Variants in DIRAS2 observed in about 807,000 individuals in gnomAD.
DIRAS2 encodes the protein GTP-binding protein Di-Ras2.
DIRAS2 carries 5 observed loss-of-function variants against 13.9 expected under a neutral mutation model. That is an observed-to-expected ratio of 0.36 (90% CI 0.19 to 0.76). The LOEUF is 0.76. Ranked by LOEUF, DIRAS2 falls within the 30% of genes least tolerant of loss-of-function variation. DIRAS2 has a pLI of 0.53. For synonymous variants in DIRAS2, 111 were observed against 105.4 expected (o/e 1.05, Z -0.33); for missense variants, 191 against 263.0 (o/e 0.73, Z 1.89).
chr9:90,610,633 A>C lies in DIRAS2; in HGVS notation c.*2595T>G. On this transcript the variant is annotated 3_prime_UTR_variant, in exon 2 of 2. Transcript: ENST00000375765. ...AATGGAAACGTACAAATGCTTTAAAAAAATCTAATTCTGTGATACTAACTC... is the reference window on the plus strand; with the variant it reads ...AATGGAAACGTACAAATGCTTTAAACAAATCTAATTCTGTGATACTAACTC... The C allele has an allele frequency of 2.6e-6, 1 of 387,282 alleles. No homozygotes were observed. The highest frequency in any genetic ancestry group is 1.4e-4 in the South Asian group (1 of 6,946). 24.0% of individuals were successfully genotyped at this position (387,282 alleles called of 1,614,324 possible).
At chr9:90,630,528 A>C (rs960058398) in intron 1 of DIRAS2, among the ~76,000 whole-genome samples, 1 of 152,242 alleles carries the variant, frequency 6.6e-6, no homozygotes, top group Non-Finnish European at 1.5e-5. Flanking sequence ...TATAAAAATC[A>C]GACTTTTAAA....
rs994227125 is a variant in DIRAS2 at position 90,638,924 on chromosome 9, C to T, written c.-37+3828G>A. Among the ~76,000 whole-genome samples, 7 of 152,242 alleles carry T rather than the reference C, an allele frequency of 4.6e-5. No individual in the cohort carries two copies. The East Asian group carries it at 9.7e-4, about 21-fold the overall frequency. On this transcript the variant is annotated intron_variant, in intron 1 of 1. Coordinates refer to ENST00000375765, the MANE Select transcript of DIRAS2 (RefSeq NM_017594.5). ...TGTAAGGATGACAGAGGAAGGAAAT[C>T]TTCCTCCTTCAAAGGCTCCTTTGTC...
chr9:90,632,778 G>A (rs1436802054), intron 1 of DIRAS2, among the ~76,000 whole-genome samples: 1 of 152,200 alleles, frequency 6.6e-6, no homozygotes, highest in South Asian at 2.1e-4. Flanking sequence ...TAAGCGACTT[G>A]CCTTAGGCCA....
intron 1 of DIRAS2, among the ~76,000 whole-genome samples, chr9:90,641,090 AT>A (rs1194595492): frequency 2.0e-5 from 3 of 152,176 alleles, no homozygotes; most frequent in Non-Finnish European, 4.4e-5. Flanking sequence ...TACGAACAAC[AT>A]ACAATAAATA....
At chr9:90,634,411 C>A (rs867329476) in intron 1 of DIRAS2, among the ~76,000 whole-genome samples, 38 of 152,296 alleles carry the variant, frequency 2.5e-4, no homozygotes, top group African/African-American at 8.9e-4. Flanking sequence ...GAATAATTAC[C>A]AATGTGTCTA....
At chr9:90,616,010 T>A (rs1479972261) in intron 1 of DIRAS2, among the ~76,000 whole-genome samples, 1 of 152,246 alleles carries the variant, frequency 6.6e-6, no homozygotes, top group African/African-American at 2.4e-5. Context: ...TTTTGCCTTG[T>A]ATTATGGTTA....
At chr9:90,639,057 A>G (rs1183727287) in intron 1 of DIRAS2, among the ~76,000 whole-genome samples, 2 of 152,134 alleles carry the variant, frequency 1.3e-5, no homozygotes, top group African/African-American at 4.8e-5. Flanking sequence ...TCAGAAAAAT[A>G]ATCACTTTGC....
chr9:90,630,714 T>C (rs1338287320), intron 1 of DIRAS2, among the ~76,000 whole-genome samples: 2 of 152,262 alleles, frequency 1.3e-5, no homozygotes, highest in African/African-American at 4.8e-5. Context: ...TTTAAGTTTA[T>C]TGATGTTTTC....
rs1825108328 is a variant in DIRAS2 at position 90,611,078 on chromosome 9, C to T, written c.*2150G>A. The T allele has an allele frequency of 6.6e-6, 1 of 152,192 alleles. No homozygotes were observed. The highest frequency in any genetic ancestry group is 2.1e-4 in the South Asian group (1 of 4,830). 9.4% of individuals were successfully genotyped at this position (152,192 alleles called of 1,614,324 possible). A position where few individuals can be genotyped will look rare whatever the true frequency, so the allele number is the denominator to read the frequency against. On this transcript the variant is annotated 3_prime_UTR_variant, in exon 2 of 2. Coordinates refer to ENST00000375765, the MANE Select transcript of DIRAS2 (RefSeq NM_017594.5). The stretch of plus-strand genomic sequence containing the variant: ...ATAGGTCTACTTTGGCCATGAAGTT[C>T]TGTTTCTTCTTCCATTTAACCTATA...
At chr9:90,630,877 A>G (rs985956313) in intron 1 of DIRAS2, among the ~76,000 whole-genome samples, 2 of 152,218 alleles carry the variant, frequency 1.3e-5, no homozygotes, top group African/African-American at 4.8e-5. Flanking sequence ...TTGGAAAGGG[A>G]CATATAAAAA....
chr9:90,622,251 C>CAAAT (rs1243687948), intron 1 of DIRAS2, among the ~76,000 whole-genome samples: 1 of 150,372 alleles, frequency 6.7e-6, no homozygotes, highest in South Asian at 2.1e-4. Context: ...GACCCTGTCT[C>CAAAT]AAATAAATAA....
At chr9:90,622,461 G>GTT (rs35016699) in intron 1 of DIRAS2, among the ~76,000 whole-genome samples, 30 of 144,114 alleles carry the variant, frequency 2.1e-4, no homozygotes, top group Middle Eastern at 3.6e-3. Context: ...TTTTTCCGGA[G>GTT]TTTTTTTTTT....
At chr9:90,621,252 G>C (rs1219446247) in intron 1 of DIRAS2, among the ~76,000 whole-genome samples, 1 of 152,118 alleles carries the variant, frequency 6.6e-6, no homozygotes, top group African/African-American at 2.4e-5. Flanking sequence ...TTAAGGAAAG[G>C]AGAAAGAATG....
chr9:90,610,506 C>A lies in DIRAS2; in HGVS notation c.*2722G>T. The A allele has an allele frequency of 2.5e-6, 1 of 398,718 alleles. No individual in the cohort carries two copies. Among genetic ancestry groups the A allele is most frequent in the South Asian group, 1.3e-4 (1 of 7,824 alleles). The allele number at this position is 398,718 out of a possible 1,614,324, so 24.7% of individuals were successfully genotyped here. Reference sequence around the variant, plus strand: ...CATGCCCAGAGCGCCATCTTCAAAGCAATATTTAATTAAATATTAACTTAT... The same window carrying A: ...CATGCCCAGAGCGCCATCTTCAAAGAAATATTTAATTAAATATTAACTTAT... On this transcript the variant is annotated 3_prime_UTR_variant, in exon 2 of 2. Transcript: ENST00000375765.
intron 1 of DIRAS2, among the ~76,000 whole-genome samples, chr9:90,642,235 G>A (rs1452260591): frequency 6.6e-6 from 1 of 152,182 alleles, no homozygotes; most frequent in Admixed American, 6.5e-5. Flanking sequence ...ACAAGGAAGC[G>A]GAAAGGAGCA....
chr9:90,619,431 G>A (rs1349746811), intron 1 of DIRAS2, among the ~76,000 whole-genome samples: 3 of 152,050 alleles, frequency 2.0e-5, no homozygotes, highest in South Asian at 2.1e-4. Flanking sequence ...TGACAAGAGC[G>A]AAACTCCGTC....
intron 1 of DIRAS2, among the ~76,000 whole-genome samples, chr9:90,625,221 C>T (rs548348048): frequency 2.1e-4 from 32 of 152,304 alleles, no homozygotes; most frequent in African/African-American, 7.5e-4. Context: ...GCAGCTCAGA[C>T]TATTTAATTC....
At chr9:90,626,456 A>AG (rs1825270070) in intron 1 of DIRAS2, among the ~76,000 whole-genome samples, 1 of 151,550 alleles carries the variant, frequency 6.6e-6, no homozygotes, top group Non-Finnish European at 1.5e-5. Flanking sequence ...AAAAAAAAAA[A>AG]AAGACAAGAA....
At chr9:90,637,597 G>A (rs778015646) in intron 1 of DIRAS2, among the ~76,000 whole-genome samples, 4 of 152,216 alleles carry the variant, frequency 2.6e-5, no homozygotes, top group Non-Finnish European at 5.9e-5. Context: ...GAAACAAGAT[G>A]TCTGTTTCTC....
Sources: gnomAD v4.1 joint callset for allele counts (sites outside exome capture counted in the v4.1 genomes callset) on GRCh38, gnomAD v4.1.1 for gene constraint, MANE v1.5 for transcripts, NCBI Gene and HGNC (gene_info 2026-07-23, HGNC 2026-07-21) for gene names.